RNF13: variants seen among roughly 807,000 people sequenced by gnomAD.
The protein encoded by RNF13 is E3 ubiquitin-protein ligase RNF13.
A neutral mutation model predicts 37.7 loss-of-function variants in RNF13; 19 were observed. The ratio of observed to expected loss-of-function variants is 0.50; its 90% CI spans 0.35 to 0.74. RNF13 has a LOEUF of 0.74. Among genes scored for constraint, RNF13 ranks in the 30% least tolerant of loss-of-function variants. The probability of loss-of-function intolerance (pLI) is 0.01; values close to 1 mark genes in which losing one functional copy is unlikely to be tolerated. For missense variants in RNF13, 375 were observed against 453.0 expected, an observed-to-expected ratio of 0.83 and a Z score of 1.56; for synonymous variants, 144 against 157.8, an observed-to-expected ratio of 0.91 and a Z score of 0.65.
At chr3:149,948,818 G>C (rs1012452668) in intron 8 of RNF13, among the ~76,000 whole-genome samples, 6 of 152,208 alleles carry the variant, frequency 3.9e-5, no homozygotes, top group Non-Finnish European at 8.8e-5. Flanking sequence ...CTTGAGTTCA[G>C]GAGTTTGAGA....
intron 1 of RNF13, among the ~76,000 whole-genome samples, chr3:149,830,043 T>C (rs1179939551): frequency 8.9e-5 from 13 of 145,566 alleles, no homozygotes; most frequent in African/African-American, 3.3e-4. Flanking sequence ...TCTCCAGCCA[T>C]GTAGAGCTGT....
chr3:149,850,668 A>G (rs767100149), intron 2 of RNF13, among the ~76,000 whole-genome samples: 32 of 152,354 alleles, frequency 2.1e-4, no homozygotes, highest in Admixed American at 5.2e-4. Flanking sequence ...TACATTAAAA[A>G]ATACTGCTTA....
chr3:149,925,507 T>TA (rs1357426082), intron 8 of RNF13, among the ~76,000 whole-genome samples: 7 of 152,244 alleles, frequency 4.6e-5, no homozygotes, highest in African/African-American at 1.7e-4. Context: ...GTATTTTTCT[T>TA]ACCTCTGATT....
intron 4 of RNF13, among the ~76,000 whole-genome samples, chr3:149,880,714 T>A (rs148162525): frequency 2.0e-5 from 3 of 152,300 alleles, no homozygotes; most frequent in African/African-American, 7.2e-5. Flanking sequence ...GTATTAAGCT[T>A]CATAATACTG....
chr3:149,928,853 C>T (rs1718907339), intron 8 of RNF13, among the ~76,000 whole-genome samples: 1 of 152,154 alleles, frequency 6.6e-6, no homozygotes, highest in Admixed American at 6.5e-5. Context: ...TAATTTCCTT[C>T]AGCAATGCCA....
At chr3:149,860,902 A>T (rs1724187313) in intron 3 of RNF13, among the ~76,000 whole-genome samples, 1 of 152,190 alleles carries the variant, frequency 6.6e-6, no homozygotes, top group African/African-American at 2.4e-5. Flanking sequence ...AAGGAATTTG[A>T]ACATCTCAGC....
intron 3 of RNF13, among the ~76,000 whole-genome samples, chr3:149,856,415 T>C (rs1723655938): frequency 6.6e-6 from 1 of 151,696 alleles, no homozygotes; most frequent in African/African-American, 2.4e-5. Flanking sequence ...AGATATAATA[T>C]GGTTATTATG....
At chr3:149,904,412 A>T (rs1559940842) in intron 6 of RNF13, among the ~76,000 whole-genome samples, 2 of 151,930 alleles carry the variant, frequency 1.3e-5, no homozygotes, top group Admixed American at 6.6e-5. Flanking sequence ...ACAGGCTGTT[A>T]CTCTGTTGCC....
chr3:149,893,154 C>G (rs964167450), intron 4 of RNF13, among the ~76,000 whole-genome samples: 6 of 152,178 alleles, frequency 3.9e-5, no homozygotes, highest in African/African-American at 1.4e-4. Context: ...AGTTATCTTA[C>G]TCATTATGTA....
chr3:149,887,824 TAAG>T (rs1714220342), intron 4 of RNF13, among the ~76,000 whole-genome samples: 1 of 152,182 alleles, frequency 6.6e-6, no homozygotes, highest in Admixed American at 6.5e-5. Flanking sequence ...TTGCTGTTAC[TAAG>T]GAGAAAGCAT....
intron 4 of RNF13, among the ~76,000 whole-genome samples, chr3:149,877,230 TA>T (rs1712825845): frequency 6.6e-6 from 1 of 152,176 alleles, no homozygotes; most frequent in Non-Finnish European, 1.5e-5. Context: ...TGATTTACTT[TA>T]AAAACCTTAA....
At chr3:149,946,104 C>T (rs967955402) in intron 8 of RNF13, among the ~76,000 whole-genome samples, 7 of 152,160 alleles carry the variant, frequency 4.6e-5, no homozygotes, top group Admixed American at 6.5e-5. Flanking sequence ...AGGCTTCAGA[C>T]GATCAAATTT....
intron 9 of RNF13, among the ~76,000 whole-genome samples, chr3:149,960,416 C>T (rs1722280314): frequency 6.6e-6 from 1 of 152,080 alleles, no homozygotes; most frequent in Non-Finnish European, 1.5e-5. Context: ...ACAGTGAAAC[C>T]CCGTCTCTAC....
intron 2 of RNF13, among the ~76,000 whole-genome samples, chr3:149,849,581 G>A (rs996842750): frequency 6.6e-4 from 101 of 152,168 alleles, no homozygotes; most frequent in Non-Finnish European, 3.8e-4. Flanking sequence ...AGTTTGTGAA[G>A]GACAGTGCAG....
chr3:149,933,466 A>G (rs1719366404), intron 8 of RNF13, among the ~76,000 whole-genome samples: 1 of 150,864 alleles, frequency 6.6e-6, no homozygotes, highest in Admixed American at 6.6e-5. Context: ...TTACTTTCTT[A>G]TTTTTCAGAT....
At chr3:149,818,804 G>C (rs1383346055) in intron 1 of RNF13, among the ~76,000 whole-genome samples, 1 of 152,096 alleles carries the variant, frequency 6.6e-6, no homozygotes, top group East Asian at 1.9e-4. Context: ...CCAGTTACTT[G>C]AGAGGCTGAG....
intron 8 of RNF13, among the ~76,000 whole-genome samples, chr3:149,927,434 C>T (rs918507004): frequency 6.6e-6 from 1 of 152,156 alleles, no homozygotes; most frequent in Non-Finnish European, 1.5e-5. Flanking sequence ...GTAAATAATA[C>T]TGCAATGAAC....
intron 8 of RNF13, among the ~76,000 whole-genome samples, chr3:149,957,743 T>C (rs564438148): frequency 6.6e-6 from 1 of 152,358 alleles, no homozygotes; most frequent in Admixed American, 6.5e-5. Context: ...ATTATCTCTT[T>C]TAATCTTCAC....
chr3:149,902,143 G>A lies in RNF13; in HGVS notation c.481G>A (p.Glu161Lys). The A allele has an allele frequency of 6.6e-7, 1 of 1,513,406 alleles. No individual in the cohort carries two copies. Among genetic ancestry groups the A allele is most frequent in the Non-Finnish European group, 8.9e-7 (1 of 1,124,792 alleles). The allele number at this position is 1,513,406 out of a possible 1,614,324, so 93.7% of individuals were successfully genotyped here. A position where few individuals can be genotyped will look rare whatever the true frequency, so the allele number is the denominator to read the frequency against. Reference protein sequence around the residue: ...GESSANSLKDEFTYEKGGHLI... With the variant: ...GESSANSLKDKFTYEKGGHLI... The stretch of plus-strand genomic sequence containing the variant: ...ATCATCAGCTAATTCTCTGAAAGAT[G>A]AATTCACATATGAAAAAGGGTAAGT... Residue 161 changes from glutamate to lysine, a missense_variant, in exon 6 of 10, where the codon GAA becomes AAA. By Grantham distance (56) the Glu-to-Lys change is moderately conservative. Transcript: ENST00000392894.
Sources: allele counts gnomAD v4.1 joint callset (sites outside exome capture counted in the v4.1 genomes callset), GRCh38; gene constraint gnomAD v4.1.1; transcripts MANE v1.5; gene names NCBI Gene and HGNC (gene_info 2026-07-23, HGNC 2026-07-21).